BAZ1B: variants seen among roughly 807,000 people sequenced by gnomAD.
BAZ1B encodes the protein tyrosine-protein kinase BAZ1B.
In BAZ1B, 22 loss-of-function variants were observed where a neutral mutation model predicts 153.8. The observed-to-expected ratio is 0.14, with a 90% CI of 0.10 to 0.20. The LOEUF (loss-of-function observed/expected upper bound fraction) is 0.20. Ranked by LOEUF, BAZ1B falls within the 10% of genes least tolerant of loss-of-function variation. BAZ1B has a pLI of 1.00. For synonymous variants in BAZ1B, 676 were observed against 633.4 expected, an observed-to-expected ratio of 1.07 and a Z score of -1.01; for missense variants, 1,325 against 1,799.3, an observed-to-expected ratio of 0.74 and a Z score of 4.77.
At chr7:73,484,482 T>G (rs1554574209) in intron 6 of BAZ1B, among the ~76,000 whole-genome samples, 1 of 151,736 alleles carries the variant, frequency 6.6e-6, no homozygotes, top group African/African-American at 2.4e-5. Flanking sequence ...CTTCAACAAA[T>G]TAAAAATAAA....
intron 13 of BAZ1B, among the ~76,000 whole-genome samples, chr7:73,451,488 G>A (rs1164352387): frequency 6.6e-6 from 1 of 152,124 alleles, no homozygotes; most frequent in Middle Eastern, 3.2e-3. Context: ...AGGTGCCAAG[G>A]AACAAAGATA....
At chr7:73,468,549 C>T (rs1788679655) in intron 9 of BAZ1B, among the ~76,000 whole-genome samples, 3 of 152,030 alleles carry the variant, frequency 2.0e-5, no homozygotes, top group Non-Finnish European at 2.9e-5. Flanking sequence ...TCAATACATA[C>T]ACTTTAAGAA....
At position 73,478,088 on chromosome 7, in the gene BAZ1B, C is replaced by G; in HGVS notation, c.1373G>C (p.Gly458Ala). The change falls in exon 7 of 20, where the codon GGG becomes GCG. Residue 458 changes from glycine (G) to alanine (A), a missense_variant. Gly to Ala is a moderately conservative substitution (Grantham distance 60). Coordinates refer to ENST00000339594, the MANE Select transcript of BAZ1B (RefSeq NM_032408.4). ...QKMTRAPRNS[G>A]GTPRTSSKPH... Reference sequence around the variant, plus strand: ...TTTACTAGAGGTCCTAGGTGTACCCCCAGAATTCCGTGGGGCTCGTGTCAT... The same window carrying G: ...TTTACTAGAGGTCCTAGGTGTACCCGCAGAATTCCGTGGGGCTCGTGTCAT... 6.2e-7 allele frequency: 1 copy of G among 1,614,142 alleles called. No individual in the cohort carries two copies. The highest frequency in any genetic ancestry group is 1.3e-5 in the African/African-American group (1 of 75,028).
At chr7:73,501,462 A>G (rs1790130634) in intron 3 of BAZ1B, among the ~76,000 whole-genome samples, 2 of 151,978 alleles carry the variant, frequency 1.3e-5, no homozygotes, top group African/African-American at 4.8e-5. Flanking sequence ...TAATTATGTC[A>G]TACCTCTTTT....
At chr7:73,461,165 G>A (rs376268122) in intron 12 of BAZ1B, among the ~76,000 whole-genome samples, 137 of 152,108 alleles carry the variant, frequency 9.0e-4, no homozygotes, top group African/African-American at 3.2e-3. Context: ...TAGTAGAGAC[G>A]GGGTTTCTCT....
intron 13 of BAZ1B, among the ~76,000 whole-genome samples, chr7:73,457,008 C>A (rs1173013953): frequency 7.1e-6 from 1 of 141,352 alleles, no homozygotes; most frequent in Non-Finnish European, 1.5e-5. Context: ...AAACCAGAAC[C>A]CTCATGAGTT....
chr7:73,442,810 T>G lies in BAZ1B; in HGVS notation c.4009A>C (p.Ser1337Arg). ...AGCTCCAGGCTTTGCCTCCGGGAGCTCCGCTTGGTCTGAAGCACCTGGCAG... is the reference window on the plus strand; with the variant it reads ...AGCTCCAGGCTTTGCCTCCGGGAGCGCCGCTTGGTCTGAAGCACCTGGCAG... ...VDELVLQTKR[S>R]SRRQSLELQK... is the part of the protein sequence containing the mutation. The change falls in exon 18 of 20, where the codon AGC (serine) becomes CGC (arginine). Residue 1337 changes from serine to arginine, a missense_variant. Ser to Arg is a moderately radical substitution (Grantham distance 110, BLOSUM62 -1). This residue lies in a region of BAZ1B where 271 missense variants were observed against 337.2 expected (regional missense o/e 0.80). Transcript: ENST00000339594. 1 of 1,613,888 alleles carries G rather than the reference T, an allele frequency of 6.2e-7. No homozygotes were observed. Among genetic ancestry groups the G allele is most frequent in the Admixed American group, 1.7e-5 (1 of 59,994 alleles).
At chr7:73,491,791 T>C (rs1789655480) in intron 5 of BAZ1B, among the ~76,000 whole-genome samples, 1 of 152,132 alleles carries the variant, frequency 6.6e-6, no homozygotes, top group African/African-American at 2.4e-5. Context: ...ATCAAGAATT[T>C]TGACAGTTAT....
chr7:73,454,400 A>G (rs782566647), intron 13 of BAZ1B, among the ~76,000 whole-genome samples: 1 of 152,236 alleles, frequency 6.6e-6, no homozygotes, highest in African/African-American at 2.4e-5. Flanking sequence ...AGCTTAAGTC[A>G]TGAATTAAAT....
chr7:73,492,852 G>A lies in BAZ1B; in HGVS notation c.641C>T (p.Pro214Leu). The A allele has an allele frequency of 6.2e-7, 1 of 1,609,782 alleles. No homozygotes were observed. Among genetic ancestry groups the A allele is most frequent in the Non-Finnish European group, 8.5e-7 (1 of 1,178,510 alleles). ...ATATTTGTGAGGCAGAAATTTTGGA[G>A]GAGCCCATTTCCTTTCTCCTTTTTT... is the stretch of plus-strand genomic sequence containing the variant. ...SLKKGERKWA[P>L]PKFLPHKYDV... Residue 214 changes from proline to leucine, a missense_variant, in exon 5 of 20, where the codon CCT becomes CTT. Pro to Leu is a moderately conservative substitution (Grantham distance 98). This residue lies in a region of BAZ1B where 153 missense variants were observed against 204.8 expected (regional missense o/e 0.75). Coordinates refer to ENST00000339594, the MANE Select transcript of BAZ1B (RefSeq NM_032408.4).
At chr7:73,507,471 C>T (rs1355474853) in intron 3 of BAZ1B, among the ~76,000 whole-genome samples, 1 of 151,848 alleles carries the variant, frequency 6.6e-6, no homozygotes, top group African/African-American at 2.4e-5. Context: ...TCGCTTGAGC[C>T]CAGGAGGTAG....
intron 1 of BAZ1B, among the ~76,000 whole-genome samples, chr7:73,515,221 A>G (rs1205249761): frequency 6.6e-6 from 1 of 152,210 alleles, no homozygotes; most frequent in African/African-American, 2.4e-5. Flanking sequence ...CATTCATTGA[A>G]CCTTCAAATA....
intron 1 of BAZ1B, among the ~76,000 whole-genome samples, chr7:73,514,644 T>C (rs921113491): frequency 1.3e-5 from 2 of 151,750 alleles, no homozygotes; most frequent in Non-Finnish European, 2.9e-5. Context: ...ACCCCATCTC[T>C]ATTAAAAAAA....
intron 9 of BAZ1B, among the ~76,000 whole-genome samples, chr7:73,467,449 A>G (rs1405127568): frequency 6.6e-6 from 1 of 152,042 alleles, no homozygotes; most frequent in Non-Finnish European, 1.5e-5. Context: ...GGCTCACTGC[A>G]ACCCCTGCCT....
intron 3 of BAZ1B, among the ~76,000 whole-genome samples, chr7:73,502,118 T>C (rs1465558306): frequency 1.3e-5 from 2 of 152,030 alleles, no homozygotes; most frequent in Non-Finnish European, 2.9e-5. Flanking sequence ...CTTGAACTCC[T>C]GACCTCGTGA....
intron 7 of BAZ1B, among the ~76,000 whole-genome samples, chr7:73,473,785 C>T (rs563486602): frequency 1.3e-3 from 200 of 152,148 alleles, no homozygotes; most frequent in Non-Finnish European, 1.9e-3. Context: ...TTTAGGGGTT[C>T]AATACCAGCC....
At chr7:73,465,938 G>A (rs1205511227) in intron 10 of BAZ1B, among the ~76,000 whole-genome samples, 2 of 151,982 alleles carry the variant, frequency 1.3e-5, no homozygotes, top group African/African-American at 4.8e-5. Flanking sequence ...GCGCATAAAG[G>A]AAACGAATAG....
At chr7:73,502,146 C>T (rs948672056) in intron 3 of BAZ1B, among the ~76,000 whole-genome samples, 19 of 152,026 alleles carry the variant, frequency 1.2e-4, no homozygotes, top group African/African-American at 4.6e-4. Flanking sequence ...GCCTCGGCCT[C>T]CCAAAGTGCT....
chr7:73,456,493 G>C (rs1554569542), intron 13 of BAZ1B, among the ~76,000 whole-genome samples: 2 of 152,106 alleles, frequency 1.3e-5, no homozygotes, highest in African/African-American at 4.8e-5. Context: ...CAAAGGACTT[G>C]AATATATATT....
Sources: gnomAD v4.1 joint callset for allele counts (sites outside exome capture counted in the v4.1 genomes callset) on GRCh38, gnomAD v4.1.1 for gene constraint, gnomAD v4.1.1 regional missense constraint, MANE v1.5 for transcripts, NCBI Gene and HGNC (gene_info 2026-07-23, HGNC 2026-07-21) for gene names.